MUC7: variants seen among roughly 807,000 people sequenced by gnomAD.
The protein encoded by MUC7 is mucin-7.
Under a neutral mutation model 2.5 loss-of-function variants are expected in MUC7, and 2 were observed. That is an observed-to-expected ratio of 0.81 (90% CI 0.33 to 2.55). The LOEUF (loss-of-function observed/expected upper bound fraction) is 2.55, where lower values mean the gene tolerates loss of function less well. Ranked by LOEUF, MUC7 falls within the 30% of genes most tolerant of loss-of-function variation. MUC7 has a pLI of 0.11. For missense variants in MUC7, 408 were observed against 455.6 expected, an observed-to-expected ratio of 0.90 and a Z score of 0.95; for synonymous variants, 133 against 173.4, an observed-to-expected ratio of 0.77 and a Z score of 1.83.
rs142474106 is a variant in MUC7, at chr4:70,481,481, C to A, written c.737C>A (p.Pro246Gln). 1.9e-5 allele frequency: 29 copies of A among 1,502,490 alleles called. 3 individuals are homozygous for A. Among genetic ancestry groups the A allele is most frequent in the Middle Eastern group, 3.7e-4 (2 of 5,350 alleles). The allele number at this position is 1,502,490 out of a possible 1,614,324, so 93.1% of individuals were successfully genotyped here. ...AAPPTPSATT[P>Q]APLSSSAPPE... ...CCACCCACACCTTCTGCAACTACAC[C>A]AGCTCCACTATCTTCCTCAGCTCCA... The change falls in exon 3 of 3, where the codon CCA becomes CAA. Residue 246 changes from proline (P) to glutamine (Q), a missense_variant. Physicochemically the swap from Pro to Gln is moderately conservative, Grantham distance 76. Transcript: ENST00000304887.
In MUC7 at chr4:70,472,283, C is replaced by A. The variant is rs183076641; in HGVS notation, c.-24C>A. On this transcript the variant is annotated 5_prime_UTR_variant, in exon 1 of 3. It adds an upstream start codon to the 5' untranslated region. Transcript: ENST00000304887. ...AACACCCTAAGAAGAAAGATTCACA[C>A]TGCACCAGGTATGTGGATACTTTAG... is the stretch of plus-strand genomic sequence containing the variant. 3.9e-4 allele frequency: 60 copies of A among 152,280 alleles called. No homozygotes were observed. Among genetic ancestry groups the A allele is most frequent in the African/African-American group, 1.3e-3 (54 of 41,556 alleles). The allele number at this position is 152,280 out of a possible 1,614,324, so 9.4% of individuals were successfully genotyped here.
Position 70,474,080 on chromosome 4 carries a change from G to A in MUC7, c.54+5G>A. 3.7e-6 allele frequency: 6 copies of A among 1,611,586 alleles called. No homozygotes were observed. The highest frequency in any genetic ancestry group is 5.1e-6 in the Non-Finnish European group (6 of 1,178,336). On this transcript the variant is annotated splice_donor_5th_base_variant and intron_variant, in intron 2 of 2. Transcript: ENST00000304887. ...GCACTGAGTGCTTGCTTCTCGGTAAGTATTCACCCAAATAAGTTTTTTCCT... is the reference window on the plus strand; with the variant it reads ...GCACTGAGTGCTTGCTTCTCGGTAAATATTCACCCAAATAAGTTTTTTCCT...
intron 1 of MUC7, among the ~76,000 whole-genome samples, chr4:70,435,209 G>T (rs781665692): frequency 6.6e-5 from 10 of 152,186 alleles, no homozygotes; most frequent in Non-Finnish European, 1.3e-4. Flanking sequence ...GAATTCTGTA[G>T]ATGTCTATTA....
intron 1 of MUC7, among the ~76,000 whole-genome samples, chr4:70,457,358 C>T (rs1025413884): frequency 6.6e-6 from 1 of 152,044 alleles, no homozygotes; most frequent in Non-Finnish European, 1.5e-5. Flanking sequence ...GTGGGAGAAT[C>T]GCTTGAGGCC....
At position 70,462,614 on chromosome 4, in the gene MUC7, T is replaced by A. The variant is rs528823429; in HGVS notation, c.-92-9601T>A. Among the ~76,000 whole-genome samples the A allele has an allele frequency of 1.1e-4, 16 of 152,316 alleles. 1 individual carries two copies. The South Asian group carries it at 3.1e-3, about 30-fold the overall frequency. On this transcript the variant is annotated intron_variant, in intron 1 of 3. Coordinates refer to the MUC7 transcript ENST00000413702. ...AATAAAGAAGGAAAGAAGATGCATA[T>A]AATTATCTTTTTTGCATATATAGAC...
At chr4:70,458,495 A>G (rs1353496703) in intron 1 of MUC7, among the ~76,000 whole-genome samples, 1 of 152,246 alleles carries the variant, frequency 6.6e-6, no homozygotes, top group East Asian at 1.9e-4. Context: ...TGCATTGTAT[A>G]ATTTCTGATC....
intron 1 of MUC7, among the ~76,000 whole-genome samples, chr4:70,465,685 A>G (rs1396516676): frequency 1.3e-5 from 2 of 152,204 alleles, no homozygotes; most frequent in Admixed American, 1.3e-4. Flanking sequence ...AAGCATGAAG[A>G]CAAGATTAGA....
At chr4:70,458,167 T>C (rs1020974008) in intron 1 of MUC7, among the ~76,000 whole-genome samples, 1 of 152,082 alleles carries the variant, frequency 6.6e-6, no homozygotes, top group Non-Finnish European at 1.5e-5. Flanking sequence ...CAAAGATGGT[T>C]TTACATTAGA....
chr4:70,436,459 A>G (rs1733836753), intron 1 of MUC7, among the ~76,000 whole-genome samples: 1 of 151,954 alleles, frequency 6.6e-6, no homozygotes. Context: ...TTGATCTTCA[A>G]TCATTGATAC....
intron 1 of MUC7, among the ~76,000 whole-genome samples, chr4:70,446,897 T>G (rs927523858): frequency 6.6e-6 from 1 of 152,128 alleles, no homozygotes; most frequent in Non-Finnish European, 1.5e-5. Context: ...GTAAGTCAAA[T>G]GAGAAAAAAA....
Position 70,481,817 on chromosome 4 carries a change from G to A in MUC7, c.1073G>A (p.Arg358Gln), listed in dbSNP as rs145866670. 2.7e-5 allele frequency: 43 copies of A among 1,613,984 alleles called. No homozygotes were observed. The highest frequency in any genetic ancestry group is 4.5e-5 in the East Asian group (2 of 44,838). ...TSAPGQNKIS[R>Q]FLLYMKNLLN... ...GCTCCTGGCCAAAATAAAATTTCTC[G>A]ATTTCTTTTATATATGAAGAATCTA... The change falls in exon 3 of 3, where the codon CGA (arginine) becomes CAA (glutamine). Residue 358 changes from arginine to glutamine, a missense_variant. By Grantham distance (43) the Arg-to-Gln change is conservative. Coordinates refer to ENST00000304887, the MANE Select transcript of MUC7 (RefSeq NM_152291.3).
intron 1 of MUC7, among the ~76,000 whole-genome samples, chr4:70,439,527 A>G (rs1441689948): frequency 1.3e-5 from 2 of 152,224 alleles, no homozygotes; most frequent in Non-Finnish European, 2.9e-5. Flanking sequence ...TTAGTTCATC[A>G]TACCTAGTAA....
intron 1 of MUC7, among the ~76,000 whole-genome samples, chr4:70,440,434 TC>T (rs1733973720): frequency 6.6e-6 from 1 of 151,958 alleles, no homozygotes. Context: ...ATCTTTGAAT[TC>T]CCCCGCATCT....
intron 2 of MUC7, among the ~76,000 whole-genome samples, chr4:70,476,611 A>C (rs41324750): frequency 6.0e-4 from 92 of 152,172 alleles, no homozygotes; most frequent in African/African-American, 2.1e-3. Flanking sequence ...ACATGGTGAA[A>C]CATCGTCTCT....
At chr4:70,467,125 A>G (rs983392090) in intron 1 of MUC7, among the ~76,000 whole-genome samples, 1 of 152,232 alleles carries the variant, frequency 6.6e-6, no homozygotes, top group Non-Finnish European at 1.5e-5. Context: ...CTGCACAACT[A>G]CATGGAAACT....
chr4:70,441,221 A>G (rs761766420), intron 1 of MUC7, among the ~76,000 whole-genome samples: 1 of 152,180 alleles, frequency 6.6e-6, no homozygotes, highest in Non-Finnish European at 1.5e-5. Flanking sequence ...TATGTTGTCT[A>G]TAAATGTAGT....
At chr4:70,435,226 C>T (rs1014634927) in intron 1 of MUC7, among the ~76,000 whole-genome samples, 1 of 152,194 alleles carries the variant, frequency 6.6e-6, no homozygotes, top group Non-Finnish European at 1.5e-5. Context: ...ATTAGATCCA[C>T]TTGGTCCAGA....
intron 1 of MUC7, among the ~76,000 whole-genome samples, chr4:70,443,453 G>A (rs1734052910): frequency 6.6e-6 from 1 of 151,984 alleles, no homozygotes; most frequent in Non-Finnish European, 1.5e-5. Flanking sequence ...TCCACACAAA[G>A]CTGTTAGAAT....
chr4:70,479,124 T>C (rs975955737), intron 2 of MUC7, among the ~76,000 whole-genome samples: 4 of 152,244 alleles, frequency 2.6e-5, no homozygotes, highest in Non-Finnish European at 5.9e-5. Context: ...ATGTCTGGCA[T>C]TGAATAATTG....
Sources: gnomAD v4.1 joint callset for allele counts (sites outside exome capture counted in the v4.1 genomes callset) on GRCh38, gnomAD v4.1.1 for gene constraint, MANE v1.5 for transcripts, NCBI Gene and HGNC (gene_info 2026-07-23, HGNC 2026-07-21) for gene names.